Variants in KIAA0825 observed in about 807,000 individuals in gnomAD.
KIAA0825 encodes KIAA0825, also known as uncharacterized protein KIAA0825.
Under a neutral mutation model 147.6 loss-of-function variants are expected in KIAA0825, and 119 were observed. That is an observed-to-expected ratio of 0.81 (90% CI 0.69 to 0.94). The LOEUF is 0.94. KIAA0825 is among the 40% of genes least tolerant of loss of function. The probability of loss-of-function intolerance (pLI) is 0.00; values close to 1 mark genes in which losing one functional copy is unlikely to be tolerated. For synonymous variants in KIAA0825, 470 were observed against 518.1 expected (o/e 0.91, Z 1.26); for missense variants, 1,381 against 1,472.7 (o/e 0.94, Z 1.02).
At chr5:94,440,155 A>C in intron 13 of KIAA0825, 34 bp from the exon 14 acceptor site, 1 of 1,543,174 alleles carries the variant, frequency 6.5e-7, no homozygotes, top group Non-Finnish European at 8.8e-7. Flanking sequence ...GGAGTAATGA[A>C]GTTAATTTAT....
At chr5:94,503,706 C>T (rs1487557970) in intron 5 of KIAA0825, among the ~76,000 whole-genome samples, 2 of 152,336 alleles carry the variant, frequency 1.3e-5, no homozygotes, top group Non-Finnish European at 1.5e-5. Context: ...AACACTATTA[C>T]TTCCCTTCTT....
intron 1 of KIAA0825, among the ~76,000 whole-genome samples, chr5:94,599,081 T>C (rs1312776061): frequency 6.6e-6 from 1 of 152,118 alleles, no homozygotes. Flanking sequence ...TGTACTAACT[T>C]ATATTCCCAC....
chr5:94,221,745 C>T (rs1773682294), intron 20 of KIAA0825, among the ~76,000 whole-genome samples: 1 of 152,130 alleles, frequency 6.6e-6, no homozygotes, highest in South Asian at 2.1e-4. Context: ...CATCTATGTC[C>T]TTATTCTTTG....
intron 13 of KIAA0825, among the ~76,000 whole-genome samples, chr5:94,447,868 A>G (rs1757927147): frequency 1.3e-5 from 2 of 152,096 alleles, no homozygotes; most frequent in African/African-American, 2.4e-5. Context: ...GAATCAAAGC[A>G]TCATGTTGTC....
intron 16 of KIAA0825, among the ~76,000 whole-genome samples, chr5:94,397,271 CT>C (rs1283751212): frequency 1.3e-5 from 2 of 152,152 alleles, no homozygotes; most frequent in Non-Finnish European, 2.9e-5. Flanking sequence ...TCCATCTCTC[CT>C]CTTTGCTTCT....
intron 3 of KIAA0825, among the ~76,000 whole-genome samples, chr5:94,531,604 T>C (rs979538247): frequency 6.6e-5 from 10 of 152,066 alleles, no homozygotes; most frequent in African/African-American, 2.2e-4. Flanking sequence ...CCAGTCAGAG[T>C]TGGAAAGTGG....
intron 20 of KIAA0825, among the ~76,000 whole-genome samples, chr5:94,231,210 CTA>C (rs1157227819): frequency 1.3e-5 from 2 of 152,028 alleles, no homozygotes; most frequent in African/African-American, 4.8e-5. Context: ...AATCAGTGTT[CTA>C]TGTGTCTCAA....
intron 4 of KIAA0825, 76 bp downstream of exon 4, chr5:94,523,854 T>G: frequency 1.0e-6 from 1 of 976,360 alleles, no homozygotes; most frequent in African/African-American, 1.7e-5. Flanking sequence ...AAATAAATAT[T>G]TACGTATAGA....
intron 20 of KIAA0825, among the ~76,000 whole-genome samples, chr5:94,276,353 T>A (rs979253431): frequency 7.2e-5 from 11 of 152,156 alleles, no homozygotes; most frequent in Non-Finnish European, 1.6e-4. Flanking sequence ...GTTGGTTTTC[T>A]TTTTTTAACT....
intron 12 of KIAA0825, among the ~76,000 whole-genome samples, chr5:94,458,190 G>C (rs10054557): frequency 0.015 from 2,217 of 152,238 alleles, 47 homozygotes; most frequent in African/African-American, 0.05. Flanking sequence ...GAGACTACAA[G>C]TTGTTGCCTA....
At chr5:94,514,067 T>C (rs1460051035) in intron 5 of KIAA0825, among the ~76,000 whole-genome samples, 1 of 152,080 alleles carries the variant, frequency 6.6e-6, no homozygotes, top group Non-Finnish European at 1.5e-5. Context: ...CAAAGATAAG[T>C]CAAATAAATA....
intron 20 of KIAA0825, among the ~76,000 whole-genome samples, chr5:94,309,708 A>T (rs1010972411): frequency 5.9e-5 from 9 of 151,758 alleles, no homozygotes; most frequent in Non-Finnish European, 1.2e-4. Flanking sequence ...GATGCTATGC[A>T]GTTGCCCCTC....
At chr5:94,574,938 C>T (rs139584042) in intron 2 of KIAA0825, among the ~76,000 whole-genome samples, 88 of 152,276 alleles carry the variant, frequency 5.8e-4, no homozygotes, top group African/African-American at 2.0e-3. Flanking sequence ...CACTCTTAAA[C>T]CCCATTCACA....
chr5:94,572,524 T>TG (rs1780167544), intron 2 of KIAA0825, among the ~76,000 whole-genome samples: 1 of 152,196 alleles, frequency 6.6e-6, no homozygotes, highest in Non-Finnish European at 1.5e-5. Context: ...CCTATTCTGG[T>TG]TTATTTATAT....
At chr5:94,212,802 A>G (rs779326819) in intron 20 of KIAA0825, among the ~76,000 whole-genome samples, 2 of 152,180 alleles carry the variant, frequency 1.3e-5, no homozygotes, top group Non-Finnish European at 2.9e-5. Context: ...TCTGCTTTCT[A>G]CCCTGAGGGA....
chr5:94,581,937 G>C (rs1782262265), intron 2 of KIAA0825, among the ~76,000 whole-genome samples: 4 of 152,160 alleles, frequency 2.6e-5, no homozygotes, highest in Admixed American at 2.0e-4. Context: ...TTCCCTTTCA[G>C]AGTCTGAGTG....
chr5:94,509,383 T>G (rs1266888990), intron 5 of KIAA0825, among the ~76,000 whole-genome samples: 2 of 152,212 alleles, frequency 1.3e-5, no homozygotes, highest in African/African-American at 4.8e-5. Flanking sequence ...GTAGCCCTGT[T>G]GTTAGTTATG....
rs1749061094 is a variant in KIAA0825, at chr5:94,385,822, C to A, written c.3619+420G>T. ...TACCACTTAAAGTAGGAGCTCAGTGCTCTATTTATAATTAATTTTAACTAT... is the reference window on the plus strand; with the variant it reads ...TACCACTTAAAGTAGGAGCTCAGTGATCTATTTATAATTAATTTTAACTAT... On this transcript the variant is annotated intron_variant, in intron 19 of 20. Coordinates refer to ENST00000682413, the MANE Select transcript of KIAA0825 (RefSeq NM_001145678.3). Among the ~76,000 whole-genome samples the A allele has an allele frequency of 2.0e-5, 3 of 152,122 alleles. No homozygotes were observed. In the South Asian group the frequency reaches 6.2e-4, roughly 31 times the overall value.
chr5:94,496,302 C>T (rs1419674086), intron 5 of KIAA0825, among the ~76,000 whole-genome samples: 1 of 152,142 alleles, frequency 6.6e-6, no homozygotes, highest in Non-Finnish European at 1.5e-5. Flanking sequence ...ACTGAAACAC[C>T]ACCCCACTGA....
Sources: gnomAD v4.1 joint callset for allele counts (sites outside exome capture counted in the v4.1 genomes callset) on GRCh38, gnomAD v4.1.1 for gene constraint, MANE v1.5 for transcripts, NCBI Gene and HGNC (gene_info 2026-07-23, HGNC 2026-07-21) for gene names.